The following RORA variants were observed in gnomAD, a reference collection of about 807,000 sequenced individuals.
RORA encodes the protein RAR related orphan receptor A.
A neutral mutation model predicts 69.5 loss-of-function variants in RORA; 7 were observed. The ratio of observed to expected loss-of-function variants is 0.10; its 90% CI spans 0.06 to 0.19. The LOEUF (loss-of-function observed/expected upper bound fraction) is 0.19, where lower values mean the gene tolerates loss of function less well. RORA is among the 10% of genes least tolerant of loss of function. The pLI is 1.00. For missense variants in RORA, 457 were observed against 663.0 expected (o/e 0.69, Z 3.41); for synonymous variants, 261 against 240.8 (o/e 1.08, Z -0.78).
chr15:61,151,613 T>A (rs892566865), intron 1 of RORA, among the ~76,000 whole-genome samples: 1 of 152,218 alleles, frequency 6.6e-6, no homozygotes, highest in South Asian at 2.1e-4. Context: ...TCCCACAGGA[T>A]AAGAACTGCA....
chr15:60,697,421 A>T (rs1328589953), intron 1 of RORA, among the ~76,000 whole-genome samples: 1 of 152,216 alleles, frequency 6.6e-6, no homozygotes, highest in Non-Finnish European at 1.5e-5. Flanking sequence ...CCATCTTCCA[A>T]GTACAGCCAA....
intron 1 of RORA, among the ~76,000 whole-genome samples, chr15:60,709,467 C>T (rs754518964): frequency 2.6e-5 from 4 of 152,220 alleles, no homozygotes; most frequent in Non-Finnish European, 4.4e-5. Flanking sequence ...ACCCCTGGTA[C>T]TGGTCCTGTT....
At chr15:60,611,097 A>G (rs1446043635) in intron 2 of RORA, among the ~76,000 whole-genome samples, 1 of 152,198 alleles carries the variant, frequency 6.6e-6, no homozygotes, top group Non-Finnish European at 1.5e-5. Context: ...GGGACAAGTT[A>G]AAGGGAATTT....
At chr15:60,951,702 A>C (rs1051881873) in intron 1 of RORA, among the ~76,000 whole-genome samples, 9 of 152,214 alleles carry the variant, frequency 5.9e-5, no homozygotes, top group African/African-American at 1.9e-4. Context: ...GAAATGGATA[A>C]ATTCCTCGAC....
At chr15:60,727,594 AG>A (rs2071376631) in intron 1 of RORA, among the ~76,000 whole-genome samples, 1 of 152,174 alleles carries the variant, frequency 6.6e-6, no homozygotes, top group South Asian at 2.1e-4. Flanking sequence ...TATAGATTTC[AG>A]GGGTCCCAGG....
At chr15:61,118,394 G>C (rs1470924134) in intron 1 of RORA, among the ~76,000 whole-genome samples, 2 of 152,168 alleles carry the variant, frequency 1.3e-5, no homozygotes, top group African/African-American at 4.8e-5. Flanking sequence ...AAATAGAAAA[G>C]CTACAGCATA....
intron 1 of RORA, among the ~76,000 whole-genome samples, chr15:60,915,575 A>G (rs1891849495): frequency 6.6e-6 from 1 of 152,240 alleles, no homozygotes; most frequent in Non-Finnish European, 1.5e-5. Flanking sequence ...CACTAGCCAC[A>G]TATGCCTACT....
chr15:60,516,221 A>T (rs200618031), intron 3 of RORA, among the ~76,000 whole-genome samples: 107 of 7,650 alleles, frequency 0.014, no homozygotes, highest in Non-Finnish European at 0.026. Context: ...ATATATATAT[A>T]TTTATATATA....
intron 2 of RORA, among the ~76,000 whole-genome samples, chr15:60,662,838 G>A (rs766083521): frequency 2.0e-5 from 3 of 152,296 alleles, no homozygotes; most frequent in Non-Finnish European, 4.4e-5. Context: ...GTGGTGTGCT[G>A]CATAGGTCCC....
intron 1 of RORA, among the ~76,000 whole-genome samples, chr15:60,781,902 C>A (rs1360752921): frequency 6.6e-6 from 1 of 152,160 alleles, no homozygotes; most frequent in Non-Finnish European, 1.5e-5. Context: ...TGGACTCAGC[C>A]CCTTTCAGGC....
chr15:60,791,228 G>A (rs1177801119), intron 1 of RORA, among the ~76,000 whole-genome samples: 1 of 152,146 alleles, frequency 6.6e-6, no homozygotes, highest in East Asian at 1.9e-4. Context: ...CTGTGATATA[G>A]ACTTGATAAT....
intron 1 of RORA, among the ~76,000 whole-genome samples, chr15:60,822,955 A>C (rs1023222477): frequency 2.0e-5 from 3 of 151,552 alleles, no homozygotes; most frequent in African/African-American, 7.3e-5. Flanking sequence ...ACCCTTCATT[A>C]TTTTCTTTCT....
At chr15:61,172,985 T>A (rs1345895512) in intron 1 of RORA, among the ~76,000 whole-genome samples, 3 of 152,226 alleles carry the variant, frequency 2.0e-5, no homozygotes, top group African/African-American at 7.2e-5. Flanking sequence ...AAATTACCTG[T>A]AGTCATATAT....
Position 60,961,190 on chromosome 15 carries a change from G to A in RORA, c.166+267863C>T, listed in dbSNP as rs141942221. 3.2e-3 allele frequency among the ~76,000 whole-genome samples: 492 copies of A among 152,204 alleles called. 2 individuals carry two copies. Among genetic ancestry groups the A allele is most frequent in the African/African-American group, 0.012 (478 of 41,514 alleles). On this transcript the variant is annotated intron_variant, in intron 1 of 10. Transcript: ENST00000335670. ...CATAACATTTCTTTTCTCATGTTGTGTCATGCTGATCTCTGTGTGCATGGA... is the reference window on the plus strand; with the variant it reads ...CATAACATTTCTTTTCTCATGTTGTATCATGCTGATCTCTGTGTGCATGGA...
intron 1 of RORA, among the ~76,000 whole-genome samples, chr15:60,819,634 G>T (rs1185793898): frequency 6.6e-6 from 1 of 152,034 alleles, no homozygotes; most frequent in Non-Finnish European, 1.5e-5. Flanking sequence ...TGGGTGGGAG[G>T]AATGCAGTAC....
chr15:61,092,704 T>A (rs1228665763), intron 1 of RORA, among the ~76,000 whole-genome samples: 2 of 152,164 alleles, frequency 1.3e-5, no homozygotes, highest in African/African-American at 4.8e-5. Flanking sequence ...TATTGCAAAA[T>A]GAAATAAAAG....
At chr15:61,186,971 G>A (rs907350080) in intron 1 of RORA, among the ~76,000 whole-genome samples, 1 of 152,224 alleles carries the variant, frequency 6.6e-6, no homozygotes, top group Non-Finnish European at 1.5e-5. Context: ...CAGCTGAGAG[G>A]TGATTGTATC....
intron 2 of RORA, among the ~76,000 whole-genome samples, chr15:60,638,954 A>C (rs1252473371): frequency 1.3e-5 from 2 of 152,050 alleles, no homozygotes; most frequent in Non-Finnish European, 2.9e-5. Context: ...ATTAGTAGAT[A>C]ATTCTCTCTG....
intron 1 of RORA, among the ~76,000 whole-genome samples, chr15:61,154,018 A>T (rs903121886): frequency 5.3e-5 from 8 of 152,178 alleles, no homozygotes; most frequent in Admixed American, 1.3e-4. Context: ...CTGCTTGATT[A>T]GTGAATCTCA....
Sources: allele counts gnomAD v4.1 joint callset (sites outside exome capture counted in the v4.1 genomes callset), GRCh38; gene constraint gnomAD v4.1.1; transcripts MANE v1.5; gene names NCBI Gene and HGNC (gene_info 2026-07-23, HGNC 2026-07-21).